Variants in CACNA2D1 observed in about 807,000 individuals in gnomAD.
The protein encoded by CACNA2D1 is voltage-dependent calcium channel subunit alpha-2/delta-1.
Under a neutral mutation model 171.5 loss-of-function variants are expected in CACNA2D1, and 53 were observed. The observed-to-expected ratio is 0.31, with a 90% CI of 0.25 to 0.39. The LOEUF (loss-of-function observed/expected upper bound fraction) is 0.39. CACNA2D1 is among the 10% of genes least tolerant of loss of function. The pLI is 1.00. For missense variants in CACNA2D1, 903 were observed against 1,299.8 expected (o/e 0.69, Z 4.69); for synonymous variants, 442 against 443.1 (o/e 1.00, Z 0.03).
chr7:82,077,759 TA>T (rs10596724), intron 7 of CACNA2D1, among the ~76,000 whole-genome samples: 2,105 of 145,086 alleles, frequency 0.015, 42 homozygotes, highest in African/African-American at 0.045. Context: ...AATGTTAAAG[TA>T]AAAAAAAAAA....
chr7:82,363,953 G>A (rs1263891138), intron 1 of CACNA2D1, among the ~76,000 whole-genome samples: 1 of 152,180 alleles, frequency 6.6e-6, no homozygotes, highest in Non-Finnish European at 1.5e-5. Context: ...TTGGGTGAAG[G>A]CAGGGCCCGG....
At chr7:82,147,352 C>T (rs1192851319) in intron 4 of CACNA2D1, among the ~76,000 whole-genome samples, 1 of 152,030 alleles carries the variant, frequency 6.6e-6, no homozygotes, top group Non-Finnish European at 1.5e-5. Flanking sequence ...GATTTAAACT[C>T]TATGAGAAGA....
At chr7:82,228,296 G>T (rs1802562022) in intron 3 of CACNA2D1, among the ~76,000 whole-genome samples, 1 of 152,058 alleles carries the variant, frequency 6.6e-6, no homozygotes, top group South Asian at 2.1e-4. Flanking sequence ...CCATAAACTT[G>T]GAAGAGGATC....
intron 3 of CACNA2D1, among the ~76,000 whole-genome samples, chr7:82,299,190 C>G (rs1339828820): frequency 6.6e-6 from 1 of 151,624 alleles, no homozygotes; most frequent in African/African-American, 2.4e-5. Flanking sequence ...ATACTATGTA[C>G]AAAATGAAAG....
chr7:81,950,386 AGAAGGTCATAACAGGCG>A lies in CACNA2D1; in HGVS notation c.3265_*5del. The A allele has an allele frequency of 1.2e-6, 2 of 1,613,256 alleles. No homozygotes were observed. The highest frequency in any genetic ancestry group is 1.7e-6 in the Non-Finnish European group (2 of 1,179,468). ...GTTTAACTATGCAGATTTGGTTTTT[AGAAGGTCATAACAGGCG>A]GTGTGTGCTGCCAGATACCAGCCAA... On this transcript the variant is annotated stop_lost and 3_prime_UTR_variant, in exon 39 of 39. Transcript: ENST00000356860.
At chr7:82,050,354 T>G (rs185924808) in intron 10 of CACNA2D1, 45 of 486,334 alleles carry the variant, frequency 9.3e-5, no homozygotes, top group African/African-American at 8.1e-4. Flanking sequence ...AGACAAAGAG[T>G]TTATTACTCA....
chr7:81,961,413 G>C (rs965900134), intron 36 of CACNA2D1, among the ~76,000 whole-genome samples: 5 of 151,718 alleles, frequency 3.3e-5, no homozygotes, highest in Admixed American at 3.3e-4. Context: ...CTTCAAGTCA[G>C]AGAAGACTAG....
intron 1 of CACNA2D1, among the ~76,000 whole-genome samples, chr7:82,427,854 T>C (rs1563538926): frequency 6.6e-6 from 1 of 152,174 alleles, no homozygotes; most frequent in Non-Finnish European, 1.5e-5. Flanking sequence ...CTCAAATGAA[T>C]ATCTGTCCTC....
At chr7:82,409,597 A>G (rs981024748) in intron 1 of CACNA2D1, among the ~76,000 whole-genome samples, 14 of 152,188 alleles carry the variant, frequency 9.2e-5, no homozygotes, top group Non-Finnish European at 1.8e-4. Flanking sequence ...GGTAGGGCCA[A>G]GGCGCTGGTA....
intron 1 of CACNA2D1, among the ~76,000 whole-genome samples, chr7:82,416,305 C>G (rs1828163512): frequency 6.6e-6 from 1 of 152,052 alleles, no homozygotes; most frequent in African/African-American, 2.4e-5. Context: ...ACAGTATGCT[C>G]CACCAGTCCT....
At chr7:82,380,151 T>G (rs1467404559) in intron 1 of CACNA2D1, among the ~76,000 whole-genome samples, 1 of 152,158 alleles carries the variant, frequency 6.6e-6, no homozygotes, top group East Asian at 1.9e-4. Flanking sequence ...AGCAGAAAGT[T>G]TTGGCATTAA....
chr7:82,413,250 AATTT>A (rs1261386756), intron 1 of CACNA2D1, among the ~76,000 whole-genome samples: 2 of 152,150 alleles, frequency 1.3e-5, no homozygotes, highest in African/African-American at 4.8e-5. Flanking sequence ...ACTTCATATT[AATTT>A]ATTAATTTTT....
intron 3 of CACNA2D1, among the ~76,000 whole-genome samples, chr7:82,273,403 T>TA (rs1808894999): frequency 6.6e-6 from 1 of 151,808 alleles, no homozygotes; most frequent in South Asian, 2.1e-4. Flanking sequence ...GGCATATACA[T>TA]ACGATGTTGC....
chr7:82,103,437 G>T (rs894217124), intron 6 of CACNA2D1, among the ~76,000 whole-genome samples: 1 of 152,200 alleles, frequency 6.6e-6, no homozygotes, highest in Admixed American at 6.5e-5. Context: ...GAAAGGCAGA[G>T]AAAGGAATAT....
chr7:82,258,817 C>CTTTTT (rs201927487), intron 3 of CACNA2D1, among the ~76,000 whole-genome samples: 15,140 of 70,872 alleles, frequency 0.21, 3,080 homozygotes, highest in African/African-American at 0.25. Context: ...TCTTACTTTT[C>CTTTTT]TTTTTTTTTT....
intron 3 of CACNA2D1, among the ~76,000 whole-genome samples, chr7:82,195,716 A>C (rs78220651): frequency 0.079 from 11,990 of 151,412 alleles, 1,060 homozygotes; most frequent in East Asian, 0.21. Context: ...AAACCTTTCA[A>C]CCCTTTCACA....
At position 82,219,801 on chromosome 7, in the gene CACNA2D1, T is replaced by C. The variant is rs114925687; in HGVS notation, c.295-49192A>G. On this transcript the variant is annotated intron_variant, in intron 3 of 38. Transcript: ENST00000356860. ...CACATTTCTCATCTATGCCTTATGATTTAGTTTTATCTTATTCTGATGAGA... is the reference window on the plus strand; with the variant it reads ...CACATTTCTCATCTATGCCTTATGACTTAGTTTTATCTTATTCTGATGAGA... 9.9e-3 allele frequency among the ~76,000 whole-genome samples: 1,511 copies of C among 152,264 alleles called. 25 individuals carry two copies. Among genetic ancestry groups the C allele is most frequent in the African/African-American group, 0.035 (1,440 of 41,556 alleles).
At chr7:82,077,732 CTA>C (rs1392562463) in intron 7 of CACNA2D1, among the ~76,000 whole-genome samples, 2 of 144,308 alleles carry the variant, frequency 1.4e-5, no homozygotes, top group Non-Finnish European at 3.0e-5. Flanking sequence ...TATAGTTGAA[CTA>C]TGTGTCCATA....
At chr7:81,961,607 G>A (rs993851467) in intron 36 of CACNA2D1, among the ~76,000 whole-genome samples, 4 of 151,656 alleles carry the variant, frequency 2.6e-5, no homozygotes, top group African/African-American at 9.7e-5. Context: ...ATTTCTCTAT[G>A]TTCTGCCTAA....
Sources: gnomAD v4.1 joint callset for allele counts (sites outside exome capture counted in the v4.1 genomes callset) on GRCh38, gnomAD v4.1.1 for gene constraint, MANE v1.5 for transcripts, NCBI Gene and HGNC (gene_info 2026-07-23, HGNC 2026-07-21) for gene names.